The following RASEF variants were observed in gnomAD, a reference collection of about 807,000 sequenced individuals.
RASEF encodes RAS and EF-hand domain containing.
A neutral mutation model predicts 90.1 loss-of-function variants in RASEF; 68 were observed. The ratio of observed to expected loss-of-function variants is 0.75; its 90% CI spans 0.62 to 0.92. RASEF has a LOEUF of 0.92. Among genes scored for constraint, RASEF ranks in the 40% least tolerant of loss-of-function variants. The pLI, the probability that RASEF is intolerant of heterozygous loss-of-function variation, is 0.00. For synonymous variants in RASEF, 331 were observed against 345.2 expected (o/e 0.96, Z 0.46); for missense variants, 949 against 937.2 (o/e 1.01, Z -0.16).
intron 1 of RASEF, among the ~76,000 whole-genome samples, chr9:83,059,787 T>C (rs2117912957): frequency 6.6e-6 from 1 of 152,254 alleles, no homozygotes; most frequent in East Asian, 1.9e-4. Flanking sequence ...TTGCAGACCC[T>C]TCATATCTGC....
In RASEF at chr9:83,007,467, T is replaced by C; in HGVS notation, c.998A>G (p.Asn333Ser). The C allele has an allele frequency of 6.2e-7, 1 of 1,613,272 alleles. No individual in the cohort carries two copies. Among genetic ancestry groups the C allele is most frequent in the Non-Finnish European group, 8.5e-7 (1 of 1,179,184 alleles). ...TATTTCAATTTGCCTCTCAAGACTA[T>C]TTCGATCTTCTGTGTATGCTCGGAT... Reference protein sequence around the residue: ...EIIRAYTEDRNSLERQIEILQ... With the variant: ...EIIRAYTEDRSSLERQIEILQ... Residue 333 changes from asparagine (N) to serine (S), a missense_variant, in exon 7 of 17, where the codon AAT (asparagine) becomes AGT (serine). Transcript: ENST00000376447.
chr9:83,135,149 TA>T, the RASEF span, among the ~76,000 whole-genome samples: 1 of 152,026 alleles, frequency 6.6e-6, no homozygotes, highest in Non-Finnish European at 1.5e-5. Flanking sequence ...GAAAATATTC[TA>T]AAATTAGATA....
chr9:83,113,642 G>C, the RASEF span, among the ~76,000 whole-genome samples: 22 of 152,126 alleles, frequency 1.4e-4, no homozygotes, highest in African/African-American at 5.3e-4. Flanking sequence ...ATAGATGGCC[G>C]CGCTGGGAGT....
chr9:83,021,033 C>T (rs973836431), intron 3 of RASEF, among the ~76,000 whole-genome samples: 15 of 152,018 alleles, frequency 9.9e-5, no homozygotes, highest in Middle Eastern at 3.2e-3. Context: ...GAAGATAGGA[C>T]AACAAAGACA....
the RASEF span, among the ~76,000 whole-genome samples, chr9:83,077,065 G>A: frequency 6.6e-6 from 1 of 152,210 alleles, no homozygotes; most frequent in South Asian, 2.1e-4. Flanking sequence ...ATCTTTAAAT[G>A]AAATTACCAG....
At chr9:83,075,604 G>A in the RASEF span, among the ~76,000 whole-genome samples, 3 of 152,056 alleles carry the variant, frequency 2.0e-5, no homozygotes, top group Non-Finnish European at 2.9e-5. Flanking sequence ...TTCTTCCTAC[G>A]GAAGCCTATG....
At chr9:83,075,457 T>C in the RASEF span, among the ~76,000 whole-genome samples, 1 of 152,222 alleles carries the variant, frequency 6.6e-6, no homozygotes, top group African/African-American at 2.4e-5. Flanking sequence ...TTATGCTCAT[T>C]TTAATGTTAG....
chr9:82,997,181 T>G, intron 13 of RASEF, 55 bp from the exon 14 acceptor site: 1 of 1,078,438 alleles, frequency 9.3e-7, no homozygotes, highest in South Asian at 1.3e-5. Flanking sequence ...ATTCTTCTTC[T>G]CTTTTATGCT....
At chr9:83,059,330 T>C (rs1220974330) in intron 1 of RASEF, among the ~76,000 whole-genome samples, 3 of 147,426 alleles carry the variant, frequency 2.0e-5, no homozygotes, top group South Asian at 2.2e-4. Flanking sequence ...TTGGCAATCT[T>C]TGAACACCAA....
rs563211454 is a variant in RASEF at position 82,979,775 on chromosome 9, C to T, written c.*2902G>A. The T allele has an allele frequency of 6.6e-5, 10 of 152,182 alleles. 1 individual carries two copies. Among genetic ancestry groups the T allele is most frequent in the African/African-American group, 2.4e-4 (10 of 41,524 alleles). 9.4% of individuals were successfully genotyped at this position (152,182 alleles called of 1,614,324 possible). A position where few individuals can be genotyped will look rare whatever the true frequency, so the allele number is the denominator to read the frequency against. ...AACCATATAAATCAAAATCATAAAA[C>T]AATTATTCAATACTCAGAGGCCTAC... On this transcript the variant is annotated 3_prime_UTR_variant, in exon 17 of 17. Coordinates refer to ENST00000376447, the MANE Select transcript of RASEF (RefSeq NM_152573.4).
At chr9:83,072,103 G>A in the RASEF span, among the ~76,000 whole-genome samples, 24 of 152,238 alleles carry the variant, frequency 1.6e-4, no homozygotes, top group South Asian at 4.1e-4. Flanking sequence ...GTAGGATGAT[G>A]TATTTCCCAC....
At position 82,993,036 on chromosome 9, in the gene RASEF, G is replaced by GAAAAA; in HGVS notation, c.1921-16_1921-12dup. The GAAAAA allele has an allele frequency of 6.9e-7, 1 of 1,438,964 alleles. No individual in the cohort carries two copies. Among genetic ancestry groups the GAAAAA allele is most frequent in the Non-Finnish European group, 9.4e-7 (1 of 1,062,718 alleles). The allele number at this position is 1,438,964 out of a possible 1,614,324, so 89.1% of individuals were successfully genotyped here. A position where few individuals can be genotyped will look rare whatever the true frequency, so the allele number is the denominator to read the frequency against. On this transcript the variant is annotated splice_polypyrimidine_tract_variant and intron_variant, in intron 14 of 16. Coordinates refer to ENST00000376447, the MANE Select transcript of RASEF (RefSeq NM_152573.4). ...CTCATGGGCTGCATCCTACCAGGAA[G>GAAAAA]AAAAAAAAAATGGGGCACACATCAA...
At chr9:83,180,539 A>T in the RASEF span, among the ~76,000 whole-genome samples, 22,785 of 152,012 alleles carry the variant, frequency 0.15, 2,062 homozygotes, top group East Asian at 0.31. Flanking sequence ...TATTTAGTCA[A>T]CAAGTATGGC....
chr9:83,009,824 G>A, intron 5 of RASEF, 68 bp from the exon 6 acceptor site: 1 of 932,206 alleles, frequency 1.1e-6, no homozygotes, highest in Non-Finnish European at 1.7e-6. Flanking sequence ...ATGAAGTAAA[G>A]TGTCCTGTCA....
the RASEF span, among the ~76,000 whole-genome samples, chr9:83,116,800 A>G: frequency 6.8e-6 from 1 of 148,004 alleles, no homozygotes; most frequent in Non-Finnish European, 1.5e-5. Flanking sequence ...GATTTGGGGG[A>G]AAAATCATTA....
At chr9:83,035,704 T>G (rs1220744904) in intron 1 of RASEF, among the ~76,000 whole-genome samples, 1 of 152,168 alleles carries the variant, frequency 6.6e-6, no homozygotes. Flanking sequence ...AGTAGGTATA[T>G]TATAGTTATT....
chr9:83,143,277 C>G, the RASEF span, among the ~76,000 whole-genome samples: 6 of 152,094 alleles, frequency 3.9e-5, no homozygotes, highest in Admixed American at 2.6e-4. Context: ...AAGAAATTAT[C>G]AACAGTAAAC....
At chr9:83,065,564 A>C (rs547507389), upstream of RASEF, among the ~76,000 whole-genome samples, 8 of 152,202 alleles carry the variant, frequency 5.3e-5, no homozygotes, top group Non-Finnish European at 1.0e-4. Flanking sequence ...GCCAAGCCCT[A>C]AGTCAGTGTG....
At position 83,048,643 on chromosome 9, in the gene RASEF, C is replaced by T. The variant is rs1163729526; in HGVS notation, c.431+13794G>A. The T allele has an allele frequency of 1.3e-5, 13 of 985,286 alleles. No individual in the cohort carries two copies. The South Asian group carries it at 3.3e-4, about 25-fold the overall frequency. 61.0% of individuals were successfully genotyped at this position (985,286 alleles called of 1,614,324 possible). On this transcript the variant is annotated intron_variant, in intron 1 of 16. Transcript: ENST00000376447. ...TTCTTCTGTGGGAAAATAACACAGA[C>T]GTTCCTTGTTTAGGATTGGGAGATT...
Sources: allele counts gnomAD v4.1 joint callset (sites outside exome capture counted in the v4.1 genomes callset), GRCh38; gene constraint gnomAD v4.1.1; transcripts MANE v1.5; gene names NCBI Gene and HGNC (gene_info 2026-07-23, HGNC 2026-07-21).